GPC5: variants seen among roughly 807,000 people sequenced by gnomAD.
The protein encoded by GPC5 is glypican-5.
In GPC5, 47 loss-of-function variants were observed where a neutral mutation model predicts 53.9. That is an observed-to-expected ratio of 0.87 (90% CI 0.69 to 1.11). GPC5 has a LOEUF of 1.11. GPC5 is among the 50% of genes most tolerant of loss of function. GPC5 has a pLI of 0.00. For synonymous variants in GPC5, 286 were observed against 263.3 expected, an observed-to-expected ratio of 1.09 and a Z score of -0.84; for missense variants, 748 against 713.1, an observed-to-expected ratio of 1.05 and a Z score of -0.56.
intron 1 of GPC5, among the ~76,000 whole-genome samples, chr13:91,427,899 T>A (rs1205716035): frequency 6.6e-6 from 1 of 152,090 alleles, no homozygotes; most frequent in Admixed American, 6.5e-5. Flanking sequence ...GATGTTTTTT[T>A]AAATGGTAGT....
chr13:92,151,934 A>G (rs1306216739), intron 7 of GPC5, among the ~76,000 whole-genome samples: 1 of 152,176 alleles, frequency 6.6e-6, no homozygotes, highest in Non-Finnish European at 1.5e-5. Flanking sequence ...TTTGCCTGCA[A>G]TATTTATGAG....
chr13:91,460,458 C>T (rs1030403132), intron 2 of GPC5, among the ~76,000 whole-genome samples: 7 of 151,868 alleles, frequency 4.6e-5, no homozygotes, highest in Middle Eastern at 3.4e-3. Context: ...CCACCACACC[C>T]GGCTAATTTA....
chr13:92,797,061 C>T lies in GPC5; in HGVS notation c.1562-69221C>T, dbSNP rs1037682328. ...TTGTAATACCACAGTAGAGCTAACC[C>T]GTACGGTGCAACAACTCTCACTGAA... is the stretch of plus-strand genomic sequence containing the variant. On this transcript the variant is annotated intron_variant, in intron 7 of 7. Coordinates refer to ENST00000377067, the MANE Select transcript of GPC5 (RefSeq NM_004466.6). Among the ~76,000 whole-genome samples, 7 of 151,862 alleles carry T rather than the reference C, an allele frequency of 4.6e-5. No individual in the cohort carries two copies. The South Asian group carries it at 6.2e-4, about 14-fold the overall frequency.
chr13:92,376,621 T>C (rs977987011), intron 7 of GPC5, among the ~76,000 whole-genome samples: 1 of 152,168 alleles, frequency 6.6e-6, no homozygotes, highest in African/African-American at 2.4e-5. Context: ...AGAGTTTAAG[T>C]TAATGACAGT....
At chr13:92,232,664 T>G (rs2042539816) in intron 7 of GPC5, among the ~76,000 whole-genome samples, 1 of 152,196 alleles carries the variant, frequency 6.6e-6, no homozygotes, top group African/African-American at 2.4e-5. Context: ...AGGCATCCCA[T>G]GGATTTGTAG....
chr13:92,633,187 C>A (rs1885311496), intron 7 of GPC5, among the ~76,000 whole-genome samples: 1 of 152,158 alleles, frequency 6.6e-6, no homozygotes. Context: ...GCCACCACGC[C>A]CAGCCAAAAC....
chr13:92,240,749 C>T (rs1490774568), intron 7 of GPC5: 1 of 152,174 alleles, frequency 6.6e-6, no homozygotes, highest in Non-Finnish European at 1.5e-5. Flanking sequence ...AGTGATCTCC[C>T]AACCTCGGCC....
intron 5 of GPC5, among the ~76,000 whole-genome samples, chr13:91,874,996 A>G (rs961027850): frequency 6.6e-6 from 1 of 152,188 alleles, no homozygotes; most frequent in African/African-American, 2.4e-5. Context: ...AAAGGAAAAT[A>G]TTCAGCACAT....
chr13:92,216,793 A>T (rs898177658), intron 7 of GPC5, among the ~76,000 whole-genome samples: 1 of 151,992 alleles, frequency 6.6e-6, no homozygotes, highest in African/African-American at 2.4e-5. Context: ...CAGCCTGGCC[A>T]ACATGGTGAA....
At chr13:91,439,606 C>A (rs1259166262) in intron 1 of GPC5, among the ~76,000 whole-genome samples, 1 of 151,970 alleles carries the variant, frequency 6.6e-6, no homozygotes, top group Non-Finnish European at 1.5e-5. Context: ...TTTTTCCTTG[C>A]AAACCTGATG....
intron 7 of GPC5, among the ~76,000 whole-genome samples, chr13:92,803,341 A>C (rs960275734): frequency 1.1e-4 from 17 of 152,068 alleles, no homozygotes; most frequent in African/African-American, 4.1e-4. Flanking sequence ...CAAAGCATAA[A>C]TTCACCAACC....
intron 7 of GPC5, among the ~76,000 whole-genome samples, chr13:92,644,423 C>T (rs570520540): frequency 4.6e-5 from 7 of 152,228 alleles, no homozygotes; most frequent in Non-Finnish European, 8.8e-5. Context: ...CTATTTTGTA[C>T]GTGTCACAAT....
chr13:92,713,462 G>A (rs2139273814), intron 7 of GPC5, among the ~76,000 whole-genome samples: 1 of 149,900 alleles, frequency 6.7e-6, no homozygotes, highest in South Asian at 2.1e-4. Context: ...AAAAAAATTA[G>A]CTGGGTGTGG....
chr13:91,662,974 T>C (rs1463275575), intron 2 of GPC5, among the ~76,000 whole-genome samples: 1 of 152,178 alleles, frequency 6.6e-6, no homozygotes, highest in African/African-American at 2.4e-5. Flanking sequence ...AAACTGGAAC[T>C]AGATTTTGTG....
chr13:92,784,969 G>A (rs967666169), intron 7 of GPC5, among the ~76,000 whole-genome samples: 10 of 151,968 alleles, frequency 6.6e-5, no homozygotes, highest in Non-Finnish European at 1.3e-4. Flanking sequence ...TACGTATACT[G>A]AACCTCCATC....
At chr13:92,079,378 C>T (rs1246190808) in intron 6 of GPC5, among the ~76,000 whole-genome samples, 7 of 152,196 alleles carry the variant, frequency 4.6e-5, no homozygotes, top group African/African-American at 1.7e-4. Flanking sequence ...TCAGATCCCA[C>T]ATCCACTCAT....
rs910304634 is a variant in GPC5 at position 92,232,308 on chromosome 13, G to T, written c.1561+87319G>T. Reference sequence around the variant, plus strand: ...GGGGGTGTGGGGGCGGCTGTTATTGGGATAATTAAGTTCTGTGCAATAAGT... The same window carrying T: ...GGGGGTGTGGGGGCGGCTGTTATTGTGATAATTAAGTTCTGTGCAATAAGT... On this transcript the variant is annotated intron_variant, in intron 7 of 7. Coordinates refer to ENST00000377067, the MANE Select transcript of GPC5 (RefSeq NM_004466.6). 2.6e-5 allele frequency among the ~76,000 whole-genome samples: 4 copies of T among 152,074 alleles called. No individual in the cohort carries two copies. In the South Asian group the frequency reaches 8.3e-4, roughly 32 times the overall value.
At chr13:91,599,797 G>T (rs528841802) in intron 2 of GPC5, among the ~76,000 whole-genome samples, 1 of 152,212 alleles carries the variant, frequency 6.6e-6, no homozygotes, top group South Asian at 2.1e-4. Context: ...AATACACTGA[G>T]GCTCTCTAGC....
rs562068331 is a variant in GPC5, at chr13:92,202,266, C to A, written c.1561+57277C>A. On this transcript the variant is annotated intron_variant, in intron 7 of 7. Coordinates refer to ENST00000377067, the MANE Select transcript of GPC5 (RefSeq NM_004466.6). ...GGAATAATGTATCTAGATCACATAC[C>A]TAATGTTTCCAGTTGAGATAGATTT... is the stretch of plus-strand genomic sequence containing the variant. Among the ~76,000 whole-genome samples, 30 of 152,158 alleles carry A rather than the reference C, an allele frequency of 2.0e-4. No individual in the cohort carries two copies. In the South Asian group the frequency reaches 6.2e-3, roughly 32 times the overall value.
Sources: allele counts gnomAD v4.1 joint callset (sites outside exome capture counted in the v4.1 genomes callset), GRCh38; gene constraint gnomAD v4.1.1; transcripts MANE v1.5; gene names NCBI Gene and HGNC (gene_info 2026-07-23, HGNC 2026-07-21).